SGO2: variants seen among roughly 807,000 people sequenced by gnomAD.
SGO2 encodes shugoshin 2.
In SGO2, 68 loss-of-function variants were observed where a neutral mutation model predicts 99.5. The observed-to-expected ratio is 0.68, with a 90% CI of 0.56 to 0.84. The LOEUF (loss-of-function observed/expected upper bound fraction) is 0.84, where lower values mean the gene tolerates loss of function less well. Among genes scored for constraint, SGO2 ranks in the 40% least tolerant of loss-of-function variants. The pLI is 0.00. For synonymous variants in SGO2, 457 were observed against 487.1 expected (o/e 0.94, Z 0.81); for missense variants, 1,350 against 1,436.7 (o/e 0.94, Z 0.97).
chr2:200,573,495 C>T lies in SGO2; in HGVS notation c.3149C>T (p.Thr1050Ile). Reference protein sequence around the residue: ...LCKTQKQSTTTLNKKDLPFVE... With the variant: ...LCKTQKQSTTILNKKDLPFVE... ...AAGACTCAGAAGCAAAGCACTACCACTTTGAATAAAAAAGATCTCCCTTTT... is the reference window on the plus strand; with the variant it reads ...AAGACTCAGAAGCAAAGCACTACCATTTTGAATAAAAAAGATCTCCCTTTT... Residue 1050 changes from threonine to isoleucine, a missense_variant, in exon 7 of 9, where the codon ACT becomes ATT. Transcript: ENST00000357799. 6.2e-7 allele frequency: 1 copy of T among 1,612,424 alleles called. No homozygotes were observed. Among genetic ancestry groups the T allele is most frequent in the Middle Eastern group, 1.7e-4 (1 of 6,048 alleles).
intron 1 of SGO2, among the ~76,000 whole-genome samples, chr2:200,530,876 G>A (rs765717618): frequency 8.5e-5 from 13 of 152,228 alleles, no homozygotes; most frequent in Non-Finnish European, 1.3e-4. Context: ...GTGAAAGCCT[G>A]ATTGAAGTAG....
Position 200,571,924 on chromosome 2 carries a change from A to G in SGO2, c.1578A>G (p.Leu526=), listed in dbSNP as rs781005808. The part of the protein sequence containing the change: ...ESKFDKGQNS[L]TCNKSKASRQ... ...AATTTGATAAGGGTCAGAATTCCCTAACTTGTAATAAAAGTAAAGCTTCTA... is the reference window on the plus strand; with the variant it reads ...AATTTGATAAGGGTCAGAATTCCCTGACTTGTAATAAAAGTAAAGCTTCTA... Residue 526 remains leucine, a synonymous_variant, in exon 7 of 9, where the codon CTA becomes CTG. Transcript: ENST00000357799. 6.2e-7 allele frequency: 1 copy of G among 1,612,692 alleles called. No homozygotes were observed. The highest frequency in any genetic ancestry group is 1.7e-5 in the Admixed American group (1 of 59,808).
intron 1 of SGO2, among the ~76,000 whole-genome samples, chr2:200,532,670 G>C (rs997522870): frequency 1.3e-5 from 2 of 151,924 alleles, no homozygotes; most frequent in African/African-American, 2.4e-5. Context: ...TGAAAACACT[G>C]TCTGTACCCG....
chr2:200,579,211 CTG>C (rs1281884070), intron 8 of SGO2, among the ~76,000 whole-genome samples: 2 of 152,160 alleles, frequency 1.3e-5, no homozygotes, highest in Non-Finnish European at 1.5e-5. Flanking sequence ...CTGTTGAATT[CTG>C]TGTCAGTTTA....
intron 5 of SGO2, among the ~76,000 whole-genome samples, chr2:200,568,068 T>A (rs2033259318): frequency 6.6e-6 from 1 of 152,318 alleles, no homozygotes; most frequent in South Asian, 2.1e-4. Context: ...CATTTTACAT[T>A]CCCGCCAGCA....
chr2:200,549,533 C>A (rs913214865), intron 5 of SGO2, among the ~76,000 whole-genome samples: 1 of 152,090 alleles, frequency 6.6e-6, no homozygotes, highest in Non-Finnish European at 1.5e-5. Context: ...AATTCAACAA[C>A]ACATTAAAAA....
chr2:200,571,917 A>G lies in SGO2; in HGVS notation c.1571A>G (p.Asn524Ser), dbSNP rs201846992. 2.5e-4 allele frequency: 397 copies of G among 1,613,356 alleles called. No individual in the cohort carries two copies. The highest frequency in any genetic ancestry group is 5.0e-4 in the Middle Eastern group (3 of 6,056). The change falls in exon 7 of 9, where the codon AAT (asparagine) becomes AGT (serine). Residue 524 changes from asparagine (N) to serine (S), a missense_variant. Transcript: ENST00000357799. ...GAGAGTAAATTTGATAAGGGTCAGA[A>G]TTCCCTAACTTGTAATAAAAGTAAA... ...HQESKFDKGQ[N>S]SLTCNKSKAS...
In SGO2 at chr2:200,535,061, A is replaced by G; in HGVS notation, c.199A>G (p.Arg67Gly). ...NNRALAQALS[R>G]EKENSRRITT... ...CAGGGCATTAGCTCAGGCTCTTAGT[A>G]GAGAAAAAGAGAATTCTCGAAGAAT... The change falls in exon 3 of 9, where the codon AGA becomes GGA. Residue 67 changes from arginine to glycine, a missense_variant. Physicochemically the swap from Arg to Gly is moderately radical, Grantham distance 125 (BLOSUM62 -2). Transcript: ENST00000357799. 1 of 1,563,214 alleles carries G rather than the reference A, an allele frequency of 6.4e-7. No individual in the cohort carries two copies. Among genetic ancestry groups the G allele is most frequent in the Non-Finnish European group, 8.6e-7 (1 of 1,163,956 alleles).
intron 8 of SGO2, among the ~76,000 whole-genome samples, chr2:200,576,485 A>G (rs1452718127): frequency 6.6e-6 from 1 of 152,148 alleles, no homozygotes. Flanking sequence ...CTGAGGCAGG[A>G]GAATCACCTT....
In SGO2 at chr2:200,573,413, T is replaced by G. The variant is rs768009322; in HGVS notation, c.3067T>G (p.Leu1023Val). ...SQTSISLESDLKHITSEADSD... is the reference protein window; with the variant it reads ...SQTSISLESDVKHITSEADSD... Reference sequence around the variant, plus strand: ...GACATCTATCTCCTTAGAATCTGATTTAAAACATATTACTAGTGAAGCAGA... The same window carrying G: ...GACATCTATCTCCTTAGAATCTGATGTAAAACATATTACTAGTGAAGCAGA... The change falls in exon 7 of 9, where the codon TTA becomes GTA. Residue 1023 changes from leucine (L) to valine (V), a missense_variant. Leu to Val is a conservative substitution (Grantham distance 32, BLOSUM62 1). Coordinates refer to ENST00000357799, the MANE Select transcript of SGO2 (RefSeq NM_152524.6). 11 of 1,605,678 alleles carry G rather than the reference T, an allele frequency of 6.9e-6. No individual in the cohort carries two copies. In the South Asian group the frequency reaches 1.2e-4, roughly 18 times the overall value.
At chr2:200,532,298 T>TAAAA in intron 1 of SGO2, 1 of 515,028 alleles carries the variant, frequency 1.9e-6, no homozygotes, top group Non-Finnish European at 2.5e-6. Context: ...TTTTTTTTTT[T>TAAAA]TCAGATCTCT....
rs765855833 is a variant in SGO2, at chr2:200,572,880, C to T, written c.2534C>T (p.Thr845Ile). 2.5e-6 allele frequency: 4 copies of T among 1,594,234 alleles called. No homozygotes were observed. The highest frequency in any genetic ancestry group is 2.2e-5 in the East Asian group (1 of 44,722). ...GAAAAAGATAACTTCTTCTCTCTAA[C>T]CCCAAAGGATAAAGAAACAATTTCT... ...DLEKDNFFSL[T>I]PKDKETISEN... The change falls in exon 7 of 9, where the codon ACC becomes ATC. Residue 845 changes from threonine (T) to isoleucine (I), a missense_variant. Coordinates refer to ENST00000357799, the MANE Select transcript of SGO2 (RefSeq NM_152524.6).
chr2:200,571,173 G>A lies in SGO2; in HGVS notation c.827G>A (p.Arg276His), dbSNP rs199756733. The A allele has an allele frequency of 2.7e-4, 440 of 1,613,664 alleles. 2 individuals are homozygous for A. The African/African-American group carries it at 5.1e-3, about 19-fold the overall frequency. ...SPSNVTERKK[R>H]GSSWESNNLS... ...AGTAATGTGACTGAAAGGAAGAAGC[G>A]TGGGTCATCTTGGGAATCAAATAAT... The change falls in exon 7 of 9, where the codon CGT (arginine) becomes CAT (histidine). Residue 276 changes from arginine to histidine, a missense_variant. By Grantham distance (29) the Arg-to-His change is conservative. Transcript: ENST00000357799.
chr2:200,559,182 T>A (rs534775871), intron 5 of SGO2, among the ~76,000 whole-genome samples: 1 of 152,338 alleles, frequency 6.6e-6, no homozygotes, highest in South Asian at 2.1e-4. Flanking sequence ...AAATTTTTTT[T>A]AAAGAATTTG....
rs185585713 is a variant in SGO2 at position 200,544,837 on chromosome 2, A to G, written c.473+2173A>G. 1.9e-3 allele frequency among the ~76,000 whole-genome samples: 284 copies of G among 152,268 alleles called. 2 individuals are homozygous for G. The highest frequency in any genetic ancestry group is 6.3e-3 in the African/African-American group (263 of 41,554). On this transcript the variant is annotated intron_variant, in intron 5 of 8. Coordinates refer to ENST00000357799, the MANE Select transcript of SGO2 (RefSeq NM_152524.6). Reference sequence around the variant, plus strand: ...GGATTCCTGTTGTTCTGTATCCTCAACAATTCTTGTTATTGTCTGTCTTTT... The same window carrying G: ...GGATTCCTGTTGTTCTGTATCCTCAGCAATTCTTGTTATTGTCTGTCTTTT...
intron 1 of SGO2, among the ~76,000 whole-genome samples, chr2:200,527,075 CAG>C (rs1337021744): frequency 6.6e-6 from 1 of 152,164 alleles, no homozygotes; most frequent in Non-Finnish European, 1.5e-5. Flanking sequence ...CATAATGTCT[CAG>C]TGTCTATATG....
chr2:200,540,960 C>T (rs1006232861), intron 4 of SGO2, among the ~76,000 whole-genome samples: 4 of 152,180 alleles, frequency 2.6e-5, no homozygotes, highest in African/African-American at 9.7e-5. Context: ...ATTTGGTTCA[C>T]AGTTCTGGAG....
rs760130580 is a variant in SGO2, at chr2:200,575,322, T to A, written c.3643T>A (p.Leu1215Ile). ...TQKSGIGDRPLQDLSNTSFVS... is the reference protein window; with the variant it reads ...TQKSGIGDRPIQDLSNTSFVS... Reference sequence around the variant, plus strand: ...ATATTCTTTTTCAGGTGATAGACCATTACAGGACTTGTCAAATACCAGTTT... The same window carrying A: ...ATATTCTTTTTCAGGTGATAGACCAATACAGGACTTGTCAAATACCAGTTT... Residue 1215 changes from leucine to isoleucine, a missense_variant, in exon 8 of 9, where the codon TTA (leucine) becomes ATA (isoleucine). Leu to Ile is a conservative substitution (Grantham distance 5). Transcript: ENST00000357799. The A allele has an allele frequency of 2.5e-6, 4 of 1,596,430 alleles. No individual in the cohort carries two copies. Among genetic ancestry groups the A allele is most frequent in the Non-Finnish European group, 2.6e-6 (3 of 1,168,728 alleles).
At chr2:200,533,982 C>A (rs2031563459) in intron 2 of SGO2, among the ~76,000 whole-genome samples, 1 of 152,090 alleles carries the variant, frequency 6.6e-6, no homozygotes. Context: ...TACTCTTTAT[C>A]TTCTGGAAAT....
Sources: allele counts gnomAD v4.1 joint callset (sites outside exome capture counted in the v4.1 genomes callset), GRCh38; gene constraint gnomAD v4.1.1; transcripts MANE v1.5; gene names NCBI Gene and HGNC (gene_info 2026-07-23, HGNC 2026-07-21).